Variants in CSMD2 observed in about 807,000 individuals in gnomAD.
CSMD2 encodes CUB and Sushi multiple domains 2.
CSMD2 carries 130 observed loss-of-function variants against 398.5 expected under a neutral mutation model. The observed-to-expected ratio is 0.33, with a 90% CI of 0.28 to 0.38. The LOEUF is 0.38. Among genes scored for constraint, CSMD2 ranks in the 10% least tolerant of loss-of-function variants. The probability of loss-of-function intolerance (pLI) is 1.00; values close to 1 mark genes in which losing one functional copy is unlikely to be tolerated. For missense variants in CSMD2, 3,829 were observed against 4,764.9 expected (o/e 0.80, Z 5.78); for synonymous variants, 1,828 against 1,908.5 (o/e 0.96, Z 1.10).
upstream of CSMD2, chr1:34,165,246 C>T (rs1273230920): frequency 5.1e-6 from 6 of 1,180,212 alleles, no homozygotes; most frequent in Non-Finnish European, 6.3e-6. Flanking sequence ...AAGTGTCCGC[C>T]CGGCCGGGGA....
At chr1:33,914,662 G>T (rs1023665713) in intron 5 of CSMD2, among the ~76,000 whole-genome samples, 3 of 152,154 alleles carry the variant, frequency 2.0e-5, no homozygotes, top group African/African-American at 7.2e-5. Context: ...TGTATTGTTG[G>T]ATTCCCAAAG....
Position 33,569,487 on chromosome 1 carries a change from A to C in CSMD2, c.8018T>G (p.Val2673Gly). The change falls in exon 52 of 71, where the codon GTC (valine) becomes GGC (glycine). Residue 2673 changes from valine (V) to glycine (G), a missense_variant. By Grantham distance (109) the Val-to-Gly change is moderately radical. Transcript: ENST00000373381. ...GGAGAAGATGGCTGTTGCCCCGTAG[A>C]CAGACAGTGTTCCGATGCGGTGGCC... Reference protein sequence around the residue: ...PNGHRIGTLSVYGATAIFSCN... With the variant: ...PNGHRIGTLSGYGATAIFSCN... The C allele has an allele frequency of 6.2e-7, 1 of 1,614,180 alleles. No homozygotes were observed. The highest frequency in any genetic ancestry group is 8.5e-7 in the Non-Finnish European group (1 of 1,180,024).
At position 33,914,157 on chromosome 1, in the gene CSMD2, G is replaced by C. The variant is rs138308206; in HGVS notation, c.920+3937C>G. ...AAGGAATGGAGCTCCATGATGGTCA[G>C]AGCCAAGTGACTGGGTCAGAGCAGA... is the stretch of plus-strand genomic sequence containing the variant. On this transcript the variant is annotated intron_variant, in intron 5 of 70. Coordinates refer to ENST00000373381, the MANE Select transcript of CSMD2 (RefSeq NM_001281956.2). 3.2e-3 allele frequency among the ~76,000 whole-genome samples: 488 copies of C among 152,258 alleles called. 3 individuals carry two copies. Among genetic ancestry groups the C allele is most frequent in the African/African-American group, 0.011 (476 of 41,542 alleles).
intron 2 of CSMD2, among the ~76,000 whole-genome samples, chr1:34,066,993 C>T (rs1655188399): frequency 6.6e-6 from 1 of 152,148 alleles, no homozygotes; most frequent in South Asian, 2.1e-4. Flanking sequence ...CTGTCATGCC[C>T]TCGCAGATTC....
At position 33,537,048 on chromosome 1, in the gene CSMD2, T is replaced by A; in HGVS notation, c.9853A>T (p.Ile3285Leu). 1 of 1,614,138 alleles carries A rather than the reference T, an allele frequency of 6.2e-7. No individual in the cohort carries two copies. The highest frequency in any genetic ancestry group is 8.5e-7 in the Non-Finnish European group (1 of 1,180,016). Residue 3285 changes from isoleucine to leucine, a missense_variant, in exon 62 of 71, where the codon ATA (isoleucine) becomes TTA (leucine). Around this residue, in one of 5 missense-constraint regions of CSMD2, gnomAD observed 917 missense variants for 1,199.5 expected, o/e 0.76. Coordinates refer to ENST00000373381, the MANE Select transcript of CSMD2 (RefSeq NM_001281956.2). The surrounding 1 kb of genome is among the most constrained non-coding windows in gnomAD (Gnocchi z 4.6). ...CADPGVPQFG[I>L]QNNSQGYQVG... The stretch of plus-strand genomic sequence containing the variant: ...TGGTAGCCCTGAGAATTGTTCTGTA[T>A]CCCAAACTGTGGCACACCAGGGTCC...
chr1:33,762,318 G>A (rs1353331093), intron 13 of CSMD2, among the ~76,000 whole-genome samples: 2 of 142,880 alleles, frequency 1.4e-5, no homozygotes, highest in African/African-American at 2.7e-5. Context: ...GCAGAGCACA[G>A]TGGAGAATGC....
At chr1:33,656,704 GC>G (rs1643958152) in intron 27 of CSMD2, among the ~76,000 whole-genome samples, 1 of 152,216 alleles carries the variant, frequency 6.6e-6, no homozygotes, top group Admixed American at 6.5e-5. Context: ...ATTCAGACTG[GC>G]GTGGGTGTAA....
intron 9 of CSMD2, among the ~76,000 whole-genome samples, chr1:33,818,945 A>G (rs1164516940): frequency 6.6e-6 from 1 of 152,234 alleles, no homozygotes; most frequent in Non-Finnish European, 1.5e-5. Flanking sequence ...GTAACTTTGC[A>G]GTGGGCAACA....
chr1:34,013,622 T>C (rs1006486793), intron 3 of CSMD2, among the ~76,000 whole-genome samples: 42 of 152,152 alleles, frequency 2.8e-4, no homozygotes, highest in Admixed American at 2.1e-3. Context: ...CTTAGACCTC[T>C]GGAAGGAGCT....
At chr1:33,773,871 C>A (rs556396483) in intron 12 of CSMD2, among the ~76,000 whole-genome samples, 2 of 152,046 alleles carry the variant, frequency 1.3e-5, no homozygotes, top group South Asian at 2.1e-4. Context: ...CCTGCCTGTT[C>A]GGTAGACACC....
At chr1:33,644,316 G>A (rs1405457113) in intron 29 of CSMD2, among the ~76,000 whole-genome samples, 8 of 152,224 alleles carry the variant, frequency 5.3e-5, no homozygotes, top group African/African-American at 1.7e-4. Flanking sequence ...CATGAACAAG[G>A]TGACTGGAGA....
chr1:33,736,251 G>A (rs147944159), intron 15 of CSMD2, among the ~76,000 whole-genome samples: 10 of 152,294 alleles, frequency 6.6e-5, no homozygotes, highest in African/African-American at 2.4e-4. Flanking sequence ...GGAGGCTGAG[G>A]TGGGTGGATC....
chr1:33,985,202 T>A lies in CSMD2; in HGVS notation c.517+47392A>T, dbSNP rs550234870. On this transcript the variant is annotated intron_variant, in intron 3 of 70. Transcript: ENST00000373381. ...GAGCCCTGGGCTGTCTCCCTTTCAC[T>A]ATGGAGACTCAAAACTCAGGACTTA... Among the ~76,000 whole-genome samples the A allele has an allele frequency of 3.9e-5, 6 of 152,274 alleles. No homozygotes were observed. The South Asian group carries it at 1.2e-3, about 32-fold the overall frequency.
At chr1:33,896,636 A>C (rs576495030) in intron 5 of CSMD2, among the ~76,000 whole-genome samples, 1 of 152,220 alleles carries the variant, frequency 6.6e-6, no homozygotes, top group South Asian at 2.1e-4. Context: ...AACCAAGAAG[A>C]GGGGTTGAAC....
In CSMD2 at chr1:33,626,557, G is replaced by T; in HGVS notation, c.5225C>A (p.Ser1742Tyr). ...GCTGAACTTAATGAGAACTTGATTG[G>T]AGGTGGCCAAGGGCAGTGATTCTCC... ...HTGESLPLATSNQVLIKFSAK... is the reference protein window; with the variant it reads ...HTGESLPLATYNQVLIKFSAK... The change falls in exon 33 of 71, where the codon TCC becomes TAC. Residue 1742 changes from serine to tyrosine, a missense_variant. Physicochemically the swap from Ser to Tyr is moderately radical, Grantham distance 144. Around this residue, in one of 5 missense-constraint regions of CSMD2, gnomAD observed 2,001 missense variants for 2,567.1 expected, o/e 0.78. Transcript: ENST00000373381. 6.2e-7 allele frequency: 1 copy of T among 1,605,594 alleles called. No homozygotes were observed. The highest frequency in any genetic ancestry group is 8.5e-7 in the Non-Finnish European group (1 of 1,176,532).
At chr1:33,778,708 C>G (rs1652319212) in intron 12 of CSMD2, among the ~76,000 whole-genome samples, 1 of 152,212 alleles carries the variant, frequency 6.6e-6, no homozygotes, top group South Asian at 2.1e-4. Flanking sequence ...CCCTGGAGAA[C>G]TCAGGGTCAG....
chr1:33,782,348 G>C (rs1442380761), intron 12 of CSMD2, among the ~76,000 whole-genome samples: 2 of 152,172 alleles, frequency 1.3e-5, no homozygotes, highest in Non-Finnish European at 2.9e-5. Flanking sequence ...GCAGAGAAGG[G>C]AGTAAGCTTC....
At chr1:33,820,588 A>AAAAAAAAAC (rs371046549) in intron 7 of CSMD2, 32 bp from the exon 8 acceptor site, 17 of 918,350 alleles carry the variant, frequency 1.9e-5, no homozygotes, top group South Asian at 6.8e-5. Flanking sequence ...AAAAAAAAAA[A>AAAAAAAAAC]CAGCACACAC....
rs150171514 is a variant in CSMD2 at position 33,617,616 on chromosome 1, C to G, written c.5829G>C (p.Thr1943=). ...SAAGFHLEYK[T]VGLSSCPEPA... is the part of the protein sequence containing the mutation. ...GTTCCGGACAACTGCTCAGGCCCACCGCTAGACAAGACAGAGACAGAAGGA... is the reference window on the plus strand; with the variant it reads ...GTTCCGGACAACTGCTCAGGCCCACGGCTAGACAAGACAGAGACAGAAGGA... Residue 1943 remains threonine, a splice_region_variant and synonymous_variant, in exon 38 of 71, where the codon ACG becomes ACC. Transcript: ENST00000373381. The G allele has an allele frequency of 1.9e-6, 3 of 1,612,170 alleles. No homozygotes were observed. Among genetic ancestry groups the G allele is most frequent in the African/African-American group, 1.3e-5 (1 of 74,876 alleles).
Sources: allele counts gnomAD v4.1 joint callset (sites outside exome capture counted in the v4.1 genomes callset), GRCh38; gene constraint gnomAD v4.1.1; regional missense constraint gnomAD v4.1.1; non-coding constraint Gnocchi (gnomAD v3.1); transcripts MANE v1.5; gene names NCBI Gene and HGNC (gene_info 2026-07-23, HGNC 2026-07-21).